The following CD53 variants were observed in gnomAD, a reference collection of about 807,000 sequenced individuals.
CD53 encodes the protein leukocyte surface antigen CD53.
CD53 carries 20 observed loss-of-function variants against 27.3 expected under a neutral mutation model. The observed-to-expected ratio is 0.73, with a 90% CI of 0.52 to 1.07. The LOEUF is 1.07. Among genes scored for constraint, CD53 ranks in the 50% least tolerant of loss-of-function variants. The pLI, the probability that CD53 is intolerant of heterozygous loss-of-function variation, is 0.00. For synonymous variants in CD53, 106 were observed against 105.3 expected, an observed-to-expected ratio of 1.01 and a Z score of -0.04; for missense variants, 216 against 264.0, an observed-to-expected ratio of 0.82 and a Z score of 1.26.
chr1:110,892,241 G>A, intron 2 of CD53, 104 bp from the exon 3 acceptor site: 3 of 859,866 alleles, frequency 3.5e-6, no homozygotes, highest in South Asian at 1.3e-5. Flanking sequence ...TCTTGATTGA[G>A]CCAGTTAAAA....
upstream of CD53, among the ~76,000 whole-genome samples, chr1:110,872,783 G>A (rs1010044004): frequency 6.6e-6 from 1 of 152,178 alleles, no homozygotes; most frequent in Non-Finnish European, 1.5e-5. Flanking sequence ...CTGTCTACCT[G>A]AATGGGAAAC....
chr1:110,873,419 A>G (rs1656021820), intron 1 of CD53, among the ~76,000 whole-genome samples, 171 bp downstream of exon 1: 1 of 152,172 alleles, frequency 6.6e-6, no homozygotes, highest in Non-Finnish European at 1.5e-5. Flanking sequence ...AACATCCCCA[A>G]AGGCAATCAG....
chr1:110,892,318 A>C, intron 2 of CD53, 27 bp from the exon 3 acceptor site: 3 of 1,589,800 alleles, frequency 1.9e-6, no homozygotes, highest in Non-Finnish European at 2.6e-6. Context: ...ATTTTGCTTC[A>C]GGATGTTGTG....
intron 1 of CD53, among the ~76,000 whole-genome samples, chr1:110,877,160 C>T (rs1353710551): frequency 6.6e-6 from 1 of 152,192 alleles, no homozygotes; most frequent in Admixed American, 6.5e-5. Flanking sequence ...TAGTCTGGAA[C>T]ACTTCCTGAA....
At chr1:110,887,841 G>A (rs1175691535) in intron 1 of CD53, among the ~76,000 whole-genome samples, 1 of 152,164 alleles carries the variant, frequency 6.6e-6, no homozygotes, top group East Asian at 1.9e-4. Context: ...ATTCTTAATG[G>A]ACACTTTGGT....
chr1:110,878,050 G>A (rs1422114362), intron 1 of CD53, among the ~76,000 whole-genome samples: 3 of 152,174 alleles, frequency 2.0e-5, no homozygotes, highest in Non-Finnish European at 4.4e-5. Flanking sequence ...AAAGAACTTG[G>A]CCTTCACCCT....
intron 3 of CD53, among the ~76,000 whole-genome samples, chr1:110,893,701 A>ATGG (rs1656946246): frequency 6.6e-6 from 1 of 152,254 alleles, no homozygotes; most frequent in Non-Finnish European, 1.5e-5. Context: ...TGTCAGACTA[A>ATGG]TGGCAAAGGA....
intron 1 of CD53, 104 bp from the exon 2 acceptor site, chr1:110,891,288 C>G (rs1656842130): frequency 1.2e-6 from 1 of 821,774 alleles, no homozygotes; most frequent in Admixed American, 1.9e-5. Context: ...AGAGCCACAG[C>G]TCAAACCCAA....
chr1:110,889,254 G>A (rs1439832468), intron 1 of CD53, among the ~76,000 whole-genome samples: 1 of 152,044 alleles, frequency 6.6e-6, no homozygotes. Flanking sequence ...AAACAGAGTA[G>A]TTCTTTAAGA....
chr1:110,876,446 C>T (rs1656133169), intron 1 of CD53, among the ~76,000 whole-genome samples: 1 of 152,174 alleles, frequency 6.6e-6, no homozygotes, highest in African/African-American at 2.4e-5. Flanking sequence ...ACTATGCTAG[C>T]AAACTAAATA....
intron 1 of CD53, among the ~76,000 whole-genome samples, chr1:110,882,481 A>G (rs1254144730): frequency 6.6e-6 from 1 of 152,066 alleles, no homozygotes; most frequent in Non-Finnish European, 1.5e-5. Context: ...GTAGTTTTAT[A>G]GAAAGCAATA....
rs536200901 is a variant in CD53 at position 110,886,069 on chromosome 1, C to CT, written c.-17-5319dup. 2.0e-5 allele frequency among the ~76,000 whole-genome samples: 3 copies of CT among 152,066 alleles called. No homozygotes were observed. In the East Asian group the frequency reaches 5.8e-4, roughly 29 times the overall value. On this transcript the variant is annotated intron_variant, in intron 1 of 7. Coordinates refer to ENST00000271324, the MANE Select transcript of CD53 (RefSeq NM_000560.4). ...ATCTACTGATGAGGAATTCTTTCAC[C>CT]TTTTGTATATCTTAAAGTCCTTTTT...
chr1:110,885,572 G>T (rs1656550056), intron 1 of CD53, among the ~76,000 whole-genome samples: 1 of 148,856 alleles, frequency 6.7e-6, no homozygotes, highest in Admixed American at 6.7e-5. Flanking sequence ...AACAAAAAAA[G>T]AGATTTAAGA....
intron 5 of CD53, among the ~76,000 whole-genome samples, chr1:110,895,637 A>T (rs1254663402): frequency 6.6e-6 from 1 of 152,244 alleles, no homozygotes; most frequent in African/African-American, 2.4e-5. Context: ...CACAGGAATT[A>T]GAGCCTGGAG....
upstream of CD53, among the ~76,000 whole-genome samples, chr1:110,871,814 T>TACACACACACACACAC (rs3068856): frequency 4.3e-4 from 62 of 145,768 alleles, no homozygotes; most frequent in Middle Eastern, 3.5e-3. Flanking sequence ...CAAGAGAAAC[T>TACACACACACACACAC]ACACACACAC....
chr1:110,882,183 C>G (rs2131874), intron 1 of CD53, among the ~76,000 whole-genome samples: 2,857 of 152,180 alleles, frequency 0.019, 45 homozygotes, highest in Middle Eastern at 0.031. Context: ...TTTGCATAAC[C>G]AAGGTTGCAA....
intron 1 of CD53, among the ~76,000 whole-genome samples, chr1:110,883,683 C>T (rs1239295477): frequency 6.6e-6 from 1 of 151,808 alleles, no homozygotes; most frequent in African/African-American, 2.4e-5. Context: ...TAGCAGTTTT[C>T]TTTATGGGAA....
chr1:110,892,111 C>A (rs1046534783), intron 2 of CD53, among the ~76,000 whole-genome samples: 3 of 152,196 alleles, frequency 2.0e-5, no homozygotes, highest in African/African-American at 7.2e-5. Flanking sequence ...CAGAAGTGAT[C>A]TTTCCTTGGT....
chr1:110,881,602 C>A (rs1350521830), intron 1 of CD53, among the ~76,000 whole-genome samples: 38 of 152,188 alleles, frequency 2.5e-4, no homozygotes, highest in Admixed American at 2.5e-3. Context: ...CATATGCTTT[C>A]ATTTCTCTTG....
Sources: gnomAD v4.1 joint callset for allele counts (sites outside exome capture counted in the v4.1 genomes callset) on GRCh38, gnomAD v4.1.1 for gene constraint, MANE v1.5 for transcripts, NCBI Gene and HGNC (gene_info 2026-07-23, HGNC 2026-07-21) for gene names.